Variants in LRRC9 observed in about 807,000 individuals in gnomAD.
LRRC9 encodes the protein leucine rich repeat containing 9, also known as leucine-rich repeat-containing protein 9.
A neutral mutation model predicts 63.2 loss-of-function variants in LRRC9; 122 were observed. The observed-to-expected ratio is 1.93, with a 90% CI of 1.67 to 2.24. The LOEUF is 2.24. LRRC9 is among the 30% of genes most tolerant of loss of function. The pLI, the probability that LRRC9 is intolerant of heterozygous loss-of-function variation, is 0.00. For synonymous variants in LRRC9, 366 were observed against 213.1 expected, an observed-to-expected ratio of 1.72 and a Z score of -6.25; for missense variants, 1,071 against 627.7, an observed-to-expected ratio of 1.71 and a Z score of -7.55.
At position 59,990,291 on chromosome 14, in the gene LRRC9, A is replaced by G. The variant is rs1157242060; in HGVS notation, c.2211+5067A>G. 1.3e-5 allele frequency among the ~76,000 whole-genome samples: 2 copies of G among 152,122 alleles called. No individual in the cohort carries two copies. Among genetic ancestry groups the G allele is most frequent in the Non-Finnish European group, 2.9e-5 (2 of 68,022 alleles). On this transcript the variant is annotated intron_variant, in intron 17 of 31. Coordinates refer to ENST00000445360, the Ensembl canonical transcript of LRRC9. The surrounding 1 kb of genome is among the most constrained non-coding windows in gnomAD (Gnocchi z 4.2). ...GTTTCATTTTGAGTTTAGCCCCAAC[A>G]GTTTCTTCTATGAGAAGGATTCTGT... is the stretch of plus-strand genomic sequence containing the variant.
At position 59,938,976 on chromosome 14, in the gene LRRC9, TACATATATACAC is replaced by T. The variant is rs1323842487; in HGVS notation, c.726+416_726+427del. 3.4e-5 allele frequency among the ~76,000 whole-genome samples: 5 copies of T among 146,316 alleles called. No homozygotes were observed. Among genetic ancestry groups the T allele is most frequent in the Admixed American group, 2.8e-4 (4 of 14,350 alleles). On this transcript the variant is annotated intron_variant, in intron 7 of 31. Transcript: ENST00000445360. The surrounding 1 kb of genome is among the most constrained non-coding windows in gnomAD (Gnocchi z 4.2). ...ATATATACACACATATATACATATA[TACATATATACAC>T]ACATATATACATATACATATATACA...
intron 23 of LRRC9, among the ~76,000 whole-genome samples, chr14:60,013,899 A>G (rs946370880): frequency 5.9e-5 from 9 of 152,130 alleles, no homozygotes; most frequent in Non-Finnish European, 8.8e-5. Flanking sequence ...GACCATTTAT[A>G]TTTACTATAG....
intron 19 of LRRC9, among the ~76,000 whole-genome samples, chr14:60,000,010 C>G (rs1028799828): frequency 2.0e-5 from 3 of 152,072 alleles, no homozygotes; most frequent in Non-Finnish European, 2.9e-5. Context: ...CATTGCAGCA[C>G]TATTCACAAT....
intron 23 of LRRC9, among the ~76,000 whole-genome samples, chr14:60,011,825 G>T (rs1181319540): frequency 6.6e-6 from 1 of 152,206 alleles, no homozygotes; most frequent in Non-Finnish European, 1.5e-5. Flanking sequence ...AGGAAGAAAA[G>T]CAATTTGGGG....
rs1894150516 is a variant in LRRC9 at position 60,054,766 on chromosome 14, ACTT to A, written c.4131+1562_4131+1564del. Among the ~76,000 whole-genome samples the A allele has an allele frequency of 4.0e-5, 6 of 150,784 alleles. No homozygotes were observed. In the South Asian group the frequency reaches 1.3e-3, roughly 32 times the overall value. ...ATATCAATTAGACAATGATTCCCTT[ACTT>A]TTTTTTTTTTTAGACGAAGTCTTGC... On this transcript the variant is annotated intron_variant, in intron 30 of 31. Coordinates refer to ENST00000445360, the Ensembl canonical transcript of LRRC9.
At chr14:59,987,206 G>A (rs1389308060) in intron 17 of LRRC9, among the ~76,000 whole-genome samples, 1 of 151,830 alleles carries the variant, frequency 6.6e-6, no homozygotes, top group African/African-American at 2.4e-5. Flanking sequence ...AACCTCTGCA[G>A]TAATCGTCTT....
intron 27 of LRRC9, among the ~76,000 whole-genome samples, chr14:60,025,229 T>G (rs1274632007): frequency 6.6e-6 from 1 of 151,988 alleles, no homozygotes; most frequent in Non-Finnish European, 1.5e-5. Flanking sequence ...TAGCTGGGAC[T>G]ATAGGCTTGT....
In LRRC9 at chr14:59,930,428, A is replaced by G. The variant is rs1889600348; in HGVS notation, c.268-490A>G. Among the ~76,000 whole-genome samples the G allele has an allele frequency of 1.3e-5, 2 of 152,012 alleles. No homozygotes were observed. The highest frequency in any genetic ancestry group is 4.1e-4 in the South Asian group (2 of 4,830). On this transcript the variant is annotated intron_variant, in intron 3 of 31. Coordinates refer to ENST00000445360, the Ensembl canonical transcript of LRRC9. The surrounding 1 kb of genome is among the most constrained non-coding windows in gnomAD (Gnocchi z 4.9). The stretch of plus-strand genomic sequence containing the variant: ...TAAAAATTTGAAACATAAATATGCC[A>G]TACATCAGGTAATTTTTCAGAAAAT...
intron 23 of LRRC9, among the ~76,000 whole-genome samples, chr14:60,013,076 A>G (rs1344782990): frequency 1.3e-5 from 2 of 151,516 alleles, no homozygotes; most frequent in African/African-American, 4.9e-5. Flanking sequence ...GTCATTTAGC[A>G]TTAGGTATAT....
At chr14:59,994,692 T>C (rs1338456201) in intron 17 of LRRC9, among the ~76,000 whole-genome samples, 1 of 152,178 alleles carries the variant, frequency 6.6e-6, no homozygotes, top group Admixed American at 6.5e-5. Flanking sequence ...TAAAAAATGA[T>C]GAGTTCATGT....
chr14:60,034,979 T>C (rs1892306328), intron 29 of LRRC9, among the ~76,000 whole-genome samples: 1 of 152,172 alleles, frequency 6.6e-6, no homozygotes, highest in African/African-American at 2.4e-5. Flanking sequence ...AGGTTCCCCT[T>C]TCTCCACATC....
chr14:60,048,741 T>A (rs1230586491), intron 29 of LRRC9, among the ~76,000 whole-genome samples: 2 of 152,184 alleles, frequency 1.3e-5, no homozygotes, highest in Non-Finnish European at 2.9e-5. Context: ...TCTACTGAAA[T>A]TATTCCAAAA....
intron 16 of LRRC9, 30 bp from the exon 17 acceptor site, chr14:59,985,074 AT>A: frequency 1.6e-6 from 1 of 620,682 alleles, no homozygotes; most frequent in Non-Finnish European, 2.9e-6. Context: ...AACCTGTATT[AT>A]TTTTTAATGT....
chr14:59,963,506 A>G (rs1244831855), intron 10 of LRRC9, among the ~76,000 whole-genome samples: 2 of 151,700 alleles, frequency 1.3e-5, no homozygotes, highest in Admixed American at 6.6e-5. Flanking sequence ...CAGTGTATTT[A>G]CAACTAAAAA....
At chr14:60,054,174 T>C (rs974803915) in intron 30 of LRRC9, among the ~76,000 whole-genome samples, 2 of 152,308 alleles carry the variant, frequency 1.3e-5, no homozygotes, top group East Asian at 1.9e-4. Flanking sequence ...ACACTCCCAA[T>C]TGCAGAACAT....
rs187403286 is a variant in LRRC9 at position 59,960,501 on chromosome 14, A to T, written c.1080-413A>T. 6.3e-3 allele frequency among the ~76,000 whole-genome samples: 967 copies of T among 152,326 alleles called. 3 individuals carry two copies. The highest frequency in any genetic ancestry group is 0.01 in the Non-Finnish European group (681 of 68,022). On this transcript the variant is annotated intron_variant, in intron 9 of 31. Coordinates refer to ENST00000445360, the Ensembl canonical transcript of LRRC9. ...TGATAATGCTAACAATAATAGTAAC[A>T]TATATTGGGTTTTTACTTTGTGCCA...
rs1881268540 is a variant in LRRC9 at position 59,938,283 on chromosome 14, G to A, written c.544-107G>A. 1 of 496,966 alleles carries A rather than the reference G, an allele frequency of 2.0e-6. No homozygotes were observed. The highest frequency in any genetic ancestry group is 3.5e-6 in the Non-Finnish European group (1 of 282,652). The allele number at this position is 496,966 out of a possible 1,614,324, so 30.8% of individuals were successfully genotyped here. A position where few individuals can be genotyped will look rare whatever the true frequency, so the allele number is the denominator to read the frequency against. On this transcript the variant is annotated intron_variant, in intron 6 of 31. Coordinates refer to ENST00000445360, the Ensembl canonical transcript of LRRC9. This position sits in a 1 kb window ranked among gnomAD's most constrained non-coding sequence, Gnocchi z 4.2. ...ATCTAAATCACTTTAATGTATTTAA[G>A]CGCATAATTAGAATGCATTAGACTA...
Position 59,966,399 on chromosome 14 carries a change from A to T in LRRC9, c.1212-190A>T, listed in dbSNP as rs999606859. Among the ~76,000 whole-genome samples the T allele has an allele frequency of 6.6e-6, 1 of 152,194 alleles. No individual in the cohort carries two copies. Among genetic ancestry groups the T allele is most frequent in the Non-Finnish European group, 1.5e-5 (1 of 68,032 alleles). On this transcript the variant is annotated intron_variant, in intron 10 of 31. Transcript: ENST00000445360. This position sits in a 1 kb window ranked among gnomAD's most constrained non-coding sequence, Gnocchi z 4.0. ...TCAGAAAGTGAAGATTGCTCAACCA[A>T]CCTGTCTTCCAGGCAGAACAAATGT... is the stretch of plus-strand genomic sequence containing the variant.
At chr14:59,935,806 A>G (rs1233778166) in intron 6 of LRRC9, among the ~76,000 whole-genome samples, 2 of 152,230 alleles carry the variant, frequency 1.3e-5, no homozygotes, top group African/African-American at 2.4e-5. Flanking sequence ...TGAAAGGGGT[A>G]TGGCAGATTC....
Sources: gnomAD v4.1 joint callset for allele counts (sites outside exome capture counted in the v4.1 genomes callset) on GRCh38, gnomAD v4.1.1 for gene constraint, Gnocchi (gnomAD v3.1) non-coding constraint, MANE v1.5 for transcripts, NCBI Gene and HGNC (gene_info 2026-07-23, HGNC 2026-07-21) for gene names.